PTPRD: variants seen among roughly 807,000 people sequenced by gnomAD.
The protein encoded by PTPRD is protein tyrosine phosphatase receptor type D, also known as receptor-type tyrosine-protein phosphatase delta.
Under a neutral mutation model 214.5 loss-of-function variants are expected in PTPRD, and 34 were observed. The observed-to-expected ratio is 0.16, with a 90% CI of 0.12 to 0.21. The LOEUF is 0.21. Among genes scored for constraint, PTPRD ranks in the 10% least tolerant of loss-of-function variants. PTPRD has a pLI of 1.00. For missense variants in PTPRD, 2,545 were observed against 2,398.7 expected (o/e 1.06, Z -1.27); for synonymous variants, 1,128 against 845.7 (o/e 1.33, Z -5.79).
At chr9:9,958,909 C>A (rs968383784) in intron 4 of PTPRD, among the ~76,000 whole-genome samples, 47 of 152,228 alleles carry the variant, frequency 3.1e-4, no homozygotes, top group Admixed American at 3.0e-3. Context: ...GGTGGGAATA[C>A]AAAATGGTAC....
intron 5 of PTPRD, among the ~76,000 whole-genome samples, chr9:9,821,894 GAATA>G (rs1311883595): frequency 6.7e-6 from 1 of 149,970 alleles, no homozygotes; most frequent in Non-Finnish European, 1.5e-5. Context: ...GTGCATGACT[GAATA>G]CTTTCCTTGA....
chr9:9,350,181 T>A (rs568384313), intron 9 of PTPRD, among the ~76,000 whole-genome samples: 9 of 152,032 alleles, frequency 5.9e-5, no homozygotes, highest in Non-Finnish European at 1.0e-4. Flanking sequence ...CATAAAAAAA[T>A]GTTCCTCTCC....
intron 8 of PTPRD, among the ~76,000 whole-genome samples, chr9:9,482,617 T>G (rs1256253116): frequency 6.6e-6 from 1 of 152,180 alleles, no homozygotes; most frequent in Non-Finnish European, 1.5e-5. Flanking sequence ...ATAGTTCAGG[T>G]ATTTACTGCC....
At chr9:8,359,614 G>GT (rs2077949337) in intron 39 of PTPRD, among the ~76,000 whole-genome samples, 1 of 152,122 alleles carries the variant, frequency 6.6e-6, no homozygotes, top group Non-Finnish European at 1.5e-5. Flanking sequence ...GATTATAGGC[G>GT]TGAGCCACCC....
intron 3 of PTPRD, among the ~76,000 whole-genome samples, chr9:10,159,654 GA>G (rs1216228342): frequency 1.3e-5 from 2 of 151,036 alleles, no homozygotes; most frequent in Non-Finnish European, 3.0e-5. Context: ...TAAATTATAA[GA>G]AAAAAATAAT....
At chr9:10,397,059 C>G (rs1433995130) in intron 2 of PTPRD, among the ~76,000 whole-genome samples, 1 of 151,996 alleles carries the variant, frequency 6.6e-6, no homozygotes, top group African/African-American at 2.4e-5. Flanking sequence ...CACTTGCTCC[C>G]AACACCACCA....
In PTPRD at chr9:9,367,188, T is replaced by C. The variant is rs1021622992; in HGVS notation, c.-203+30261A>G. 3.2e-4 allele frequency among the ~76,000 whole-genome samples: 49 copies of C among 151,594 alleles called. 1 individual carries two copies. ...TGCTAAAATTTATATTCTGATGAAA[T>C]GTTTTTTAAAGTTTCTACAAGGGAG... On this transcript the variant is annotated intron_variant, in intron 9 of 45. Coordinates refer to ENST00000381196, the MANE Select transcript of PTPRD (RefSeq NM_002839.4).
At chr9:10,260,111 A>G (rs551322695) in intron 3 of PTPRD, among the ~76,000 whole-genome samples, 1 of 152,306 alleles carries the variant, frequency 6.6e-6, no homozygotes, top group East Asian at 1.9e-4. Flanking sequence ...ACTAAAAAAA[A>G]TTGTTTATCT....
chr9:8,349,173 A>G (rs2074714907), intron 39 of PTPRD, among the ~76,000 whole-genome samples: 1 of 152,204 alleles, frequency 6.6e-6, no homozygotes, highest in Non-Finnish European at 1.5e-5. Flanking sequence ...TACAAAGATA[A>G]AGTAATGCTT....
chr9:8,389,975 G>C (rs968682049), intron 36 of PTPRD, among the ~76,000 whole-genome samples: 5 of 152,136 alleles, frequency 3.3e-5, no homozygotes, highest in Non-Finnish European at 4.4e-5. Flanking sequence ...ACTTGAGCAA[G>C]TTGCTCAAGT....
At chr9:9,607,797 G>A (rs1380867953) in intron 7 of PTPRD, among the ~76,000 whole-genome samples, 2 of 151,590 alleles carry the variant, frequency 1.3e-5, no homozygotes, top group African/African-American at 4.8e-5. Flanking sequence ...TGTATCTCCT[G>A]ATAGATTCCG....
intron 3 of PTPRD, among the ~76,000 whole-genome samples, chr9:10,277,740 T>C (rs572530496): frequency 2.4e-4 from 37 of 152,176 alleles, no homozygotes; most frequent in South Asian, 1.9e-3. Context: ...ATGTAGATCT[T>C]ACCTCAAGTG....
chr9:8,490,042 G>C lies in PTPRD; in HGVS notation c.2467+2820C>G, dbSNP rs990133847. On this transcript the variant is annotated intron_variant, in intron 27 of 45. Coordinates refer to ENST00000381196, the MANE Select transcript of PTPRD (RefSeq NM_002839.4). ...TCTAATGCCTTAGGGTTATTCTGTA[G>C]ACTACTTTTATAAGTCATGCCAGCT... Among the ~76,000 whole-genome samples, 5 of 152,128 alleles carry C rather than the reference G, an allele frequency of 3.3e-5. 1 individual carries two copies. Among genetic ancestry groups the C allele is most frequent in the African/African-American group, 1.2e-4 (5 of 41,432 alleles).
chr9:8,796,307 T>C (rs1217893131), intron 11 of PTPRD, among the ~76,000 whole-genome samples: 2 of 152,212 alleles, frequency 1.3e-5, no homozygotes, highest in African/African-American at 4.8e-5. Flanking sequence ...TATTTAAATA[T>C]ATAAAACTGA....
intron 2 of PTPRD, among the ~76,000 whole-genome samples, chr9:10,565,632 A>T (rs2065362000): frequency 6.6e-6 from 1 of 152,116 alleles, no homozygotes; most frequent in Admixed American, 6.6e-5. Flanking sequence ...ATGTATAACA[A>T]CATCAGCAGT....
chr9:8,528,143 A>G, intron 15 of PTPRD: 1 of 325,714 alleles, frequency 3.1e-6, no homozygotes, highest in Middle Eastern at 8.4e-4. Context: ...CTTTAATAAA[A>G]TTGAAACATT....
intron 4 of PTPRD, among the ~76,000 whole-genome samples, chr9:9,977,295 G>A (rs1040444867): frequency 6.6e-6 from 1 of 152,106 alleles, no homozygotes; most frequent in Non-Finnish European, 1.5e-5. Context: ...AATAAAAAGA[G>A]AAAGTAAAAC....
intron 10 of PTPRD, among the ~76,000 whole-genome samples, chr9:9,140,015 A>G (rs2154480243): frequency 6.6e-6 from 1 of 152,194 alleles, no homozygotes. Context: ...GCTGTTCTTG[A>G]TGAAGAGAAT....
intron 12 of PTPRD, among the ~76,000 whole-genome samples, chr9:8,703,615 G>A (rs2098137044): frequency 5.9e-5 from 9 of 151,920 alleles, no homozygotes; most frequent in Admixed American, 5.2e-4. Context: ...GTTTCCCCTC[G>A]ACTTCTCATC....
Sources: gnomAD v4.1 joint callset for allele counts (sites outside exome capture counted in the v4.1 genomes callset) on GRCh38, gnomAD v4.1.1 for gene constraint, MANE v1.5 for transcripts, NCBI Gene and HGNC (gene_info 2026-07-23, HGNC 2026-07-21) for gene names.